Variants in FUT8 observed in about 807,000 individuals in gnomAD.
FUT8 encodes fucosyltransferase 8.
A neutral mutation model predicts 71.3 loss-of-function variants in FUT8; 29 were observed. The observed-to-expected ratio is 0.41, with a 90% CI of 0.30 to 0.55. The LOEUF (loss-of-function observed/expected upper bound fraction) is 0.55. Among genes scored for constraint, FUT8 ranks in the 20% least tolerant of loss-of-function variants. The probability of loss-of-function intolerance (pLI) is 0.34; values close to 1 mark genes in which losing one functional copy is unlikely to be tolerated. For synonymous variants in FUT8, 254 were observed against 239.3 expected, an observed-to-expected ratio of 1.06 and a Z score of -0.57; for missense variants, 544 against 702.1, an observed-to-expected ratio of 0.77 and a Z score of 2.55.
At chr14:65,411,047 A>C (rs1024925538), upstream of FUT8, 14 of 152,262 alleles carry the variant, frequency 9.2e-5, no homozygotes, top group African/African-American at 3.4e-4. Context: ...TTAATCCCAC[A>C]TAAGTCTAAA....
chr14:65,448,785 G>A (rs1279988245), intron 1 of FUT8, among the ~76,000 whole-genome samples: 1 of 152,150 alleles, frequency 6.6e-6, no homozygotes, highest in Non-Finnish European at 1.5e-5. Context: ...AGGAATTTTG[G>A]TATTTTGCCT....
chr14:65,552,888 G>A (rs995949605), intron 2 of FUT8, among the ~76,000 whole-genome samples: 2 of 152,128 alleles, frequency 1.3e-5, no homozygotes, highest in African/African-American at 2.4e-5. Context: ...TACACCATTC[G>A]TAATGGTAAC....
chr14:65,626,142 C>G (rs1363515886), intron 5 of FUT8, among the ~76,000 whole-genome samples: 2 of 151,766 alleles, frequency 1.3e-5, no homozygotes, highest in African/African-American at 2.4e-5. Context: ...GCTCCTTCCT[C>G]TTGGTAGTAG....
intron 7 of FUT8, among the ~76,000 whole-genome samples, chr14:65,694,028 T>A (rs1320258030): frequency 7.8e-6 from 1 of 127,814 alleles, no homozygotes; most frequent in Non-Finnish European, 2.0e-5. Context: ...CGTGATTAGT[T>A]GTTGTGGCCT....
At chr14:65,470,914 C>T (rs1164391158) in intron 2 of FUT8, among the ~76,000 whole-genome samples, 6 of 152,156 alleles carry the variant, frequency 3.9e-5, no homozygotes, top group African/African-American at 1.4e-4. Flanking sequence ...CCGCCTCTCC[C>T]TGTGCCGTCC....
chr14:65,650,729 AC>A lies in FUT8; in HGVS notation c.598-18513del, dbSNP rs1332412346. ...TTACAAAAAAAAAAAAAAAAAAAAA[AC>A]AAAAAAAACCACAAACTTGTAATTT... is the stretch of plus-strand genomic sequence containing the variant. On this transcript the variant is annotated intron_variant, in intron 6 of 10. Transcript: ENST00000673929. Among the ~76,000 whole-genome samples the A allele has an allele frequency of 2.9e-3, 393 of 135,824 alleles. 9 individuals carry two copies. Among genetic ancestry groups the A allele is most frequent in the African/African-American group, 8.5e-3 (311 of 36,740 alleles). 89.1% of individuals were successfully genotyped at this position (135,824 alleles called of 152,430 possible). A position where few individuals can be genotyped will look rare whatever the true frequency, so the allele number is the denominator to read the frequency against.
At chr14:65,385,785 A>C in the FUT8 span, among the ~76,000 whole-genome samples, 3 of 151,874 alleles carry the variant, frequency 2.0e-5, no homozygotes, top group East Asian at 5.9e-4. Context: ...CAAGCAATCC[A>C]CTCACCTCAG....
intron 1 of FUT8, among the ~76,000 whole-genome samples, chr14:65,419,076 A>G (rs1028293043): frequency 1.3e-5 from 2 of 152,078 alleles, no homozygotes; most frequent in Non-Finnish European, 2.9e-5. Flanking sequence ...TAAAAATACA[A>G]AATTAGTCGG....
chr14:65,633,584 TGCCCGGCC>T (rs1890340651), intron 6 of FUT8, among the ~76,000 whole-genome samples: 1 of 151,180 alleles, frequency 6.6e-6, no homozygotes, highest in South Asian at 2.1e-4. Context: ...GGAGCGTCTC[TGCCCGGCC>T]GCCCATCGTC....
At chr14:65,492,058 G>A (rs1340868089) in intron 2 of FUT8, among the ~76,000 whole-genome samples, 1 of 152,062 alleles carries the variant, frequency 6.6e-6, no homozygotes. Context: ...TTAGTTACTT[G>A]GACTTGTGAG....
At chr14:65,515,766 A>G in intron 2 of FUT8, among the ~76,000 whole-genome samples, 1 of 152,182 alleles carries the variant, frequency 6.6e-6, no homozygotes, top group East Asian at 1.9e-4. Flanking sequence ...TTGAAGGGTT[A>G]CAAAGTGATG....
upstream of FUT8, chr14:65,410,809 T>C (rs2065115005): frequency 6.6e-6 from 1 of 152,142 alleles, no homozygotes; most frequent in South Asian, 2.1e-4. Context: ...ATGAGGGTCT[T>C]GCTATGTTGC....
chr14:65,396,726 C>A, the FUT8 span, among the ~76,000 whole-genome samples: 11 of 152,276 alleles, frequency 7.2e-5, no homozygotes, highest in Admixed American at 2.6e-4. This position sits in a 1 kb window ranked among gnomAD's most constrained non-coding sequence, Gnocchi z 5.5. Context: ...CAAGACTATG[C>A]CAAGACACGT....
chr14:65,618,615 A>G (rs1889433384), intron 5 of FUT8, among the ~76,000 whole-genome samples: 1 of 152,256 alleles, frequency 6.6e-6, no homozygotes. Flanking sequence ...TGACGGACGT[A>G]CAAATAGAAA....
chr14:65,672,262 C>A (rs1892509261), intron 7 of FUT8, among the ~76,000 whole-genome samples: 1 of 152,066 alleles, frequency 6.6e-6, no homozygotes, highest in Admixed American at 6.5e-5. Flanking sequence ...ATGTCTATTC[C>A]TAATAGTTTA....
chr14:65,390,928 G>A, the FUT8 span, among the ~76,000 whole-genome samples: 6 of 151,952 alleles, frequency 3.9e-5, no homozygotes, highest in African/African-American at 1.2e-4. Flanking sequence ...GGGTTTCACC[G>A]TGTTAGCCAG....
chr14:65,557,350 T>TTG (rs1321022513), intron 2 of FUT8, among the ~76,000 whole-genome samples: 1 of 151,484 alleles, frequency 6.6e-6, no homozygotes, highest in Non-Finnish European at 1.5e-5. Context: ...TTTTTTTTTT[T>TTG]GAGACAGAGC....
At chr14:65,476,784 A>C (rs987237176) in intron 2 of FUT8, among the ~76,000 whole-genome samples, 8 of 151,792 alleles carry the variant, frequency 5.3e-5, no homozygotes, top group Non-Finnish European at 8.8e-5. Flanking sequence ...TGATAGTGGA[A>C]GTCTCTGCCC....
intron 2 of FUT8, among the ~76,000 whole-genome samples, chr14:65,485,734 G>C (rs2066399558): frequency 6.6e-6 from 1 of 152,276 alleles, no homozygotes; most frequent in East Asian, 1.9e-4. Context: ...CTTTCCCGGG[G>C]CTAGCTACCT....
Sources: allele counts gnomAD v4.1 joint callset (sites outside exome capture counted in the v4.1 genomes callset), GRCh38; gene constraint gnomAD v4.1.1; non-coding constraint Gnocchi (gnomAD v3.1); transcripts MANE v1.5; gene names NCBI Gene and HGNC (gene_info 2026-07-23, HGNC 2026-07-21).